ZNF827: variants seen among roughly 807,000 people sequenced by gnomAD.
ZNF827 encodes the protein zinc finger protein 827.
In ZNF827, 13 loss-of-function variants were observed where a neutral mutation model predicts 102.4. That is an observed-to-expected ratio of 0.13 (90% confidence interval 0.08 to 0.20). The LOEUF is 0.20. ZNF827 is among the 10% of genes least tolerant of loss of function. The pLI is 1.00. For missense variants in ZNF827, 1,103 were observed against 1,344.4 expected, an observed-to-expected ratio of 0.82 and a Z score of 2.81; for synonymous variants, 523 against 536.2, an observed-to-expected ratio of 0.98 and a Z score of 0.34.
intron 1 of ZNF827, among the ~76,000 whole-genome samples, chr4:145,925,047 G>A (rs188437709): frequency 1.3e-5 from 2 of 152,312 alleles, no homozygotes; most frequent in East Asian, 3.9e-4. Flanking sequence ...AGGCAAAGGA[G>A]GAGCAAAGTC....
At chr4:145,804,213 T>C (rs12508794) in intron 8 of ZNF827, among the ~76,000 whole-genome samples, 9,756 of 152,306 alleles carry the variant, frequency 0.064, 442 homozygotes, top group Non-Finnish European at 0.094. Context: ...CTCCACCCTC[T>C]ACTCCCCACT....
chr4:145,885,762 C>G lies in ZNF827; in HGVS notation c.1663G>C (p.Glu555Gln). 6.2e-7 allele frequency: 1 copy of G among 1,605,162 alleles called. No homozygotes were observed. Among genetic ancestry groups the G allele is most frequent in the Non-Finnish European group, 8.5e-7 (1 of 1,175,522 alleles). The change falls in exon 4 of 15, where the codon GAG (glutamate) becomes CAG (glutamine). Residue 555 changes from glutamate (E) to glutamine (Q), a missense_variant. Glu to Gln is a conservative substitution (Grantham distance 29). Coordinates refer to ENST00000508784, the MANE Select transcript of ZNF827 (RefSeq NM_001306215.2). ...GCTGACGCACTGTTGGCCACATACT[C>G]GGAGGGGTCTTTCAGCTTTGTGTGG... ...ANHTKLKDPSEYVANSASALF... is the reference protein window; with the variant it reads ...ANHTKLKDPSQYVANSASALF...
Position 145,774,538 on chromosome 4 carries a change from T to G in ZNF827, c.2828A>C (p.Glu943Ala). 6.2e-7 allele frequency: 1 copy of G among 1,612,086 alleles called. No individual in the cohort carries two copies. The highest frequency in any genetic ancestry group is 8.5e-7 in the Non-Finnish European group (1 of 1,179,178). Reference protein sequence around the residue: ...ACDFVTMEEAEIKTHIGTKHT... With the variant: ...ACDFVTMEEAAIKTHIGTKHT... ...CTTGGTGCCAATGTGAGTCTTTATC[T>G]CTGCTTCCTCCATGGTGACGAAGTC... is the stretch of plus-strand genomic sequence containing the variant. The change falls in exon 11 of 15, where the codon GAG becomes GCG. Residue 943 changes from glutamate to alanine, a missense_variant. Transcript: ENST00000508784.
chr4:145,768,079 G>C (rs1735589568), intron 11 of ZNF827, among the ~76,000 whole-genome samples: 1 of 152,204 alleles, frequency 6.6e-6, no homozygotes, highest in African/African-American at 2.4e-5. Flanking sequence ...TAGGAGGAGA[G>C]AAATGGAAGT....
intron 1 of ZNF827, among the ~76,000 whole-genome samples, chr4:145,904,307 G>A (rs1374955653): frequency 1.3e-5 from 2 of 152,180 alleles, no homozygotes; most frequent in African/African-American, 4.8e-5. Context: ...TGCCTTCTTG[G>A]AGCTTACATT....
At chr4:145,873,034 C>T (rs1158255499) in intron 4 of ZNF827, among the ~76,000 whole-genome samples, 3 of 146,670 alleles carry the variant, frequency 2.0e-5, no homozygotes, top group African/African-American at 7.6e-5. Flanking sequence ...CTCCTAGGTT[C>T]AAGCAATTCT....
chr4:145,895,087 T>C (rs1329487394), intron 2 of ZNF827, among the ~76,000 whole-genome samples: 2 of 152,186 alleles, frequency 1.3e-5, no homozygotes, highest in East Asian at 1.9e-4. Flanking sequence ...AAGAAGTATG[T>C]CCCACTATCA....
rs1303802880 is a variant in ZNF827 at position 145,762,434 on chromosome 4, TCA to T, written c.*17+654_*17+655del. ...AATAATCCAACTGGATTGGAAATTC[TCA>T]GAGGGCAGGACCATATCTTACATTT... On this transcript the variant is annotated intron_variant, in intron 14 of 14. Transcript: ENST00000508784. This position sits in a 1 kb window ranked among gnomAD's most constrained non-coding sequence, Gnocchi z 4.9. 6.6e-6 allele frequency among the ~76,000 whole-genome samples: 1 copy of T among 152,226 alleles called. No individual in the cohort carries two copies. Among genetic ancestry groups the T allele is most frequent in the Non-Finnish European group, 1.5e-5 (1 of 68,042 alleles).
intron 1 of ZNF827, among the ~76,000 whole-genome samples, chr4:145,929,043 G>A (rs569563033): frequency 2.0e-5 from 3 of 152,158 alleles, no homozygotes; most frequent in East Asian, 1.9e-4. Flanking sequence ...TGAAACCTCC[G>A]ATTTCCAAAA....
At position 145,762,155 on chromosome 4, in the gene ZNF827, G is replaced by A. The variant is rs575228557; in HGVS notation, c.*18-557C>T. Among the ~76,000 whole-genome samples the A allele has an allele frequency of 5.3e-5, 8 of 152,192 alleles. No homozygotes were observed. Among genetic ancestry groups the A allele is most frequent in the African/African-American group, 1.9e-4 (8 of 41,428 alleles). On this transcript the variant is annotated intron_variant, in intron 14 of 14. Transcript: ENST00000508784. The surrounding 1 kb of genome is among the most constrained non-coding windows in gnomAD (Gnocchi z 4.9). ...AATCGTGCTTATTAAGGGTTTGTTA[G>A]GATGAGAAGGCCTGTGTGTGTCTCT...
chr4:145,807,780 A>AC lies in ZNF827; in HGVS notation c.2383+15641_2383+15642insG, dbSNP rs1295401714. ...CCACTGTGCCAGGCTGCTTTAAAAA[A>AC]AAAAAACAAAAAACAAAAACAAAAA... On this transcript the variant is annotated intron_variant, in intron 8 of 14. Transcript: ENST00000508784. Among the ~76,000 whole-genome samples, 6 of 150,860 alleles carry AC rather than the reference A, an allele frequency of 4.0e-5. No individual in the cohort carries two copies. In the South Asian group the frequency reaches 1.0e-3, roughly 26 times the overall value.
At chr4:145,856,214 T>C (rs897581926) in intron 5 of ZNF827, among the ~76,000 whole-genome samples, 4 of 152,126 alleles carry the variant, frequency 2.6e-5, no homozygotes, top group Admixed American at 6.5e-5. Flanking sequence ...CAGGCTGGTC[T>C]CAAACTCCTG....
chr4:145,768,296 C>G (rs146033915), intron 11 of ZNF827, among the ~76,000 whole-genome samples: 78 of 152,246 alleles, frequency 5.1e-4, no homozygotes, highest in African/African-American at 1.8e-3. Context: ...TCCCAAGTAG[C>G]TGGGATTACA....
chr4:145,803,812 A>G (rs1741150579), intron 8 of ZNF827, among the ~76,000 whole-genome samples: 1 of 152,226 alleles, frequency 6.6e-6, no homozygotes, highest in African/African-American at 2.4e-5. Flanking sequence ...AATGAAAATG[A>G]CTTAAACGCA....
At chr4:145,878,660 G>GGAGA (rs1749388531) in intron 4 of ZNF827, among the ~76,000 whole-genome samples, 1 of 148,306 alleles carries the variant, frequency 6.7e-6, no homozygotes, top group African/African-American at 2.5e-5. Context: ...GAAAGGAAAG[G>GGAGA]GAGAGAGAGA....
At position 145,759,941 on chromosome 4, in the gene ZNF827, T is replaced by G. The variant is rs1734268842; in HGVS notation, c.*1675A>C. On this transcript the variant is annotated 3_prime_UTR_variant, in exon 15 of 15. Coordinates refer to ENST00000508784, the MANE Select transcript of ZNF827 (RefSeq NM_001306215.2). Reference sequence around the variant, plus strand: ...CCCTTAAAAAATGATGCACTGTGTGTGTGCACCGTACACATTTGTCTACGT... The same window carrying G: ...CCCTTAAAAAATGATGCACTGTGTGGGTGCACCGTACACATTTGTCTACGT... The G allele has an allele frequency of 6.6e-6, 1 of 152,244 alleles. No individual in the cohort carries two copies. Among genetic ancestry groups the G allele is most frequent in the African/African-American group, 2.4e-5 (1 of 41,458 alleles). 9.4% of individuals were successfully genotyped at this position (152,244 alleles called of 1,614,324 possible).
chr4:145,766,606 A>G lies in ZNF827; in HGVS notation c.2861-868T>C, dbSNP rs529805010. ...TTTGCAGGACGGAGTATCAGAGAGG[A>G]AGGGGCAGCACAGAAGAACAACCCC... On this transcript the variant is annotated intron_variant, in intron 11 of 14. Transcript: ENST00000508784. 4.5e-4 allele frequency among the ~76,000 whole-genome samples: 68 copies of G among 152,280 alleles called. No individual in the cohort carries two copies. In the South Asian group the frequency reaches 0.014, roughly 31 times the overall value.
At position 145,870,371 on chromosome 4, in the gene ZNF827, G is replaced by A. The variant is rs766190225; in HGVS notation, c.1855C>T (p.Pro619Ser). Reference protein sequence around the residue: ...TLPRSSYVFSPESEVSAPGVS... With the variant: ...TLPRSSYVFSSESEVSAPGVS... ...CCTGGGGCTGACACTTCAGATTCCGGGCTGAACACATAGCTGGACCGAGGC... is the reference window on the plus strand; with the variant it reads ...CCTGGGGCTGACACTTCAGATTCCGAGCTGAACACATAGCTGGACCGAGGC... The change falls in exon 5 of 15, where the codon CCG (proline) becomes TCG (serine). Residue 619 changes from proline to serine, a missense_variant. Pro to Ser is a moderately conservative substitution (Grantham distance 74). Transcript: ENST00000508784. 3 of 1,614,128 alleles carry A rather than the reference G, an allele frequency of 1.9e-6. No individual in the cohort carries two copies. Among genetic ancestry groups the A allele is most frequent in the South Asian group, 2.2e-5 (2 of 91,070 alleles).
rs757756136 is a variant in ZNF827 at position 145,779,397 on chromosome 4, G to A, written c.2498C>T (p.Ser833Phe). ...GKVFGRQQTL[S>F]RHLSLHTEER... ...ACCTGTGTGCAGCGAGAGGTGTCGG[G>A]ACAATGTCTGCTGTCGGCCAAACAC... Residue 833 changes from serine (S) to phenylalanine (F), a missense_variant, in exon 9 of 15, where the codon TCC (serine) becomes TTC (phenylalanine). Physicochemically the swap from Ser to Phe is radical, Grantham distance 155. Coordinates refer to ENST00000508784, the MANE Select transcript of ZNF827 (RefSeq NM_001306215.2). 4.3e-6 allele frequency: 7 copies of A among 1,614,174 alleles called. 1 individual carries two copies. In the South Asian group the frequency reaches 7.7e-5, roughly 18 times the overall value.
Sources: allele counts gnomAD v4.1 joint callset (sites outside exome capture counted in the v4.1 genomes callset), GRCh38; gene constraint gnomAD v4.1.1; non-coding constraint Gnocchi (gnomAD v3.1); transcripts MANE v1.5; gene names NCBI Gene and HGNC (gene_info 2026-07-23, HGNC 2026-07-21).